Variants in FGFR4 observed in about 807,000 individuals in gnomAD.
FGFR4 encodes fibroblast growth factor receptor 4.
In FGFR4, 63 loss-of-function variants were observed where a neutral mutation model predicts 89.9. The ratio of observed to expected loss-of-function variants is 0.70; its 90% confidence interval spans 0.57 to 0.86. The LOEUF (loss-of-function observed/expected upper bound fraction) is 0.86. Ranked by LOEUF, FGFR4 falls within the 40% of genes least tolerant of loss-of-function variation. The pLI is 0.00. For synonymous variants in FGFR4, 486 were observed against 479.4 expected (o/e 1.01, Z -0.18); for missense variants, 928 against 1,106.7 (o/e 0.84, Z 2.29).
chr5:177,096,416 G>A, intron 15 of FGFR4, 59 bp downstream of exon 15: 1 of 1,600,780 alleles, frequency 6.2e-7, no homozygotes, highest in Admixed American at 1.7e-5. Context: ...ACTGCCCAAA[G>A]TCACGTGGCC....
rs142049814 is a variant in FGFR4 at position 177,093,205 on chromosome 5, G to A, written c.1125G>A (p.Ser375=). The A allele has an allele frequency of 3.7e-5, 59 of 1,612,698 alleles. No individual in the cohort carries two copies. The highest frequency in any genetic ancestry group is 1.6e-4 in the South Asian group (15 of 91,042). Residue 375 remains serine (S), a synonymous_variant, in exon 9 of 18, where the codon TCG becomes TCA. Coordinates refer to ENST00000292408, the MANE Select transcript of FGFR4 (RefSeq NM_213647.3). This position sits in a 1 kb window ranked among gnomAD's most constrained non-coding sequence, Gnocchi z 5.8. ...ATACGGACATCATCCTGTACGCGTC[G>A]GGCTCCCTGGCCTTGGCTGTGCTCC... ...ARYTDIILYA[S]GSLALAVLLL... is the part of the protein sequence containing the mutation.
At chr5:177,088,815 C>CCCA (rs377612662) in intron 1 of FGFR4, among the ~76,000 whole-genome samples, 120,028 of 151,660 alleles carry the variant, frequency 0.79, 47,738 homozygotes, top group East Asian at 1. Context: ...CAACACTCTG[C>CCCA]GTGCCGACGC....
In FGFR4 at chr5:177,096,701, G is replaced by C; in HGVS notation, c.2113G>C (p.Gly705Arg). ...GGAGCTGTTCTCGCTGCTGCGGGAG[G>C]GACATCGGATGGACCGACCCCCACA... ...VEELFSLLRE[G>R]HRMDRPPHCP... is the part of the protein sequence containing the mutation. Residue 705 changes from glycine to arginine, a missense_variant, in exon 16 of 18, where the codon GGA (glycine) becomes CGA (arginine). This residue lies in a region of FGFR4 where 129 missense variants were observed against 150.8 expected (regional missense o/e 0.86). Coordinates refer to ENST00000292408, the MANE Select transcript of FGFR4 (RefSeq NM_213647.3). The C allele has an allele frequency of 6.2e-7, 1 of 1,603,162 alleles. No homozygotes were observed. The highest frequency in any genetic ancestry group is 2.2e-5 in the East Asian group (1 of 44,778).
chr5:177,089,111 C>G (rs1037777058), intron 1 of FGFR4, among the ~76,000 whole-genome samples: 1 of 152,182 alleles, frequency 6.6e-6, no homozygotes, highest in East Asian at 1.9e-4. Flanking sequence ...GAGTGGGGAT[C>G]GGATCAGATG....
At chr5:177,091,324 G>C (rs768531582) in intron 5 of FGFR4, among the ~76,000 whole-genome samples, 2 of 152,174 alleles carry the variant, frequency 1.3e-5, no homozygotes, top group African/African-American at 2.4e-5. Flanking sequence ...ATTTGTAAAG[G>C]GAGAAGAATC....
chr5:177,091,712 A>G lies in FGFR4; in HGVS notation c.631A>G (p.Met211Val). ...RLRHQHWSLVMESVVPSDRGT... is the reference protein window; with the variant it reads ...RLRHQHWSLVVESVVPSDRGT... Reference sequence around the variant, plus strand: ...GCGCCATCAGCACTGGAGTCTCGTGATGGAGAGCGTGGTGCCCTCGGACCG... The same window carrying G: ...GCGCCATCAGCACTGGAGTCTCGTGGTGGAGAGCGTGGTGCCCTCGGACCG... The change falls in exon 6 of 18, where the codon ATG becomes GTG. Residue 211 changes from methionine (M) to valine (V), a missense_variant. Coordinates refer to ENST00000292408, the MANE Select transcript of FGFR4 (RefSeq NM_213647.3). 6.2e-7 allele frequency: 1 copy of G among 1,614,204 alleles called. No homozygotes were observed. The highest frequency in any genetic ancestry group is 8.5e-7 in the Non-Finnish European group (1 of 1,180,042).
chr5:177,088,681 A>G (rs1454014992), intron 1 of FGFR4, among the ~76,000 whole-genome samples: 1 of 152,210 alleles, frequency 6.6e-6, no homozygotes, highest in Non-Finnish European at 1.5e-5. Context: ...GAGGATAGCC[A>G]GCTGGGGTGT....
In FGFR4 at chr5:177,091,756, G is replaced by A. The variant is rs2149732906; in HGVS notation, c.675G>A (p.Leu225=). 1 of 1,614,240 alleles carries A rather than the reference G, an allele frequency of 6.2e-7. No individual in the cohort carries two copies. The highest frequency in any genetic ancestry group is 1.7e-5 in the Admixed American group (1 of 60,032). Residue 225 remains leucine (L), a synonymous_variant, in exon 6 of 18, where the codon CTG becomes CTA. Transcript: ENST00000292408. ...CGGACCGCGGCACATACACCTGCCT[G>A]GTAGAGAACGCTGTGGGCAGCATCC... ...VPSDRGTYTC[L]VENAVGSIRY...
Position 177,096,291 on chromosome 5 carries a change from G to A in FGFR4, c.1949G>A (p.Arg650His), listed in dbSNP as rs1172824038. Reference protein sequence around the residue: ...IDYYKKTSNGRLPVKWMAPEA... With the variant: ...IDYYKKTSNGHLPVKWMAPEA... The stretch of plus-strand genomic sequence containing the variant: ...GAGGCCCTCTCTCCCCTCCAGGGCC[G>A]CCTGCCTGTGAAGTGGATGGCGCCC... Residue 650 changes from arginine (R) to histidine (H), a missense_variant, in exon 15 of 18, where the codon CGC becomes CAC. Coordinates refer to ENST00000292408, the MANE Select transcript of FGFR4 (RefSeq NM_213647.3). 15 of 1,613,978 alleles carry A rather than the reference G, an allele frequency of 9.3e-6. No individual in the cohort carries two copies. The highest frequency in any genetic ancestry group is 1.3e-5 in the African/African-American group (1 of 74,930).
chr5:177,095,726 A>G lies in FGFR4; in HGVS notation c.1821+3A>G. 1 of 1,596,524 alleles carries G rather than the reference A, an allele frequency of 6.3e-7. No individual in the cohort carries two copies. Among genetic ancestry groups the G allele is most frequent in the East Asian group, 2.2e-5 (1 of 44,500 alleles). ...TGCAGTATCTGGAGTCCCGGAAGGT[A>G]CAGGCGCTAGGGCTCTGAGCCCCTC... On this transcript the variant is annotated splice_donor_region_variant and intron_variant, in intron 13 of 17. Coordinates refer to ENST00000292408, the MANE Select transcript of FGFR4 (RefSeq NM_213647.3). This position sits in a 1 kb window ranked among gnomAD's most constrained non-coding sequence, Gnocchi z 5.7.
chr5:177,095,277 C>A lies in FGFR4; in HGVS notation c.1520-53C>A. The stretch of plus-strand genomic sequence containing the variant: ...CTTGTCCTGCACCTGCCTCTGCATG[C>A]TCCCTCGTGCAGTTGGAGGGCAGCC... On this transcript the variant is annotated intron_variant, in intron 11 of 17. Coordinates refer to ENST00000292408, the MANE Select transcript of FGFR4 (RefSeq NM_213647.3). The surrounding 1 kb of genome is among the most constrained non-coding windows in gnomAD (Gnocchi z 5.7). 6.9e-7 allele frequency: 1 copy of A among 1,448,410 alleles called. No homozygotes were observed. Among genetic ancestry groups the A allele is most frequent in the Non-Finnish European group, 9.7e-7 (1 of 1,029,656 alleles). The allele number at this position is 1,448,410 out of a possible 1,614,324, so 89.7% of individuals were successfully genotyped here.
Position 177,091,668 on chromosome 5 carries a change from A to T in FGFR4, c.604-17A>T. 6.2e-7 allele frequency: 1 copy of T among 1,612,728 alleles called. No homozygotes were observed. Among genetic ancestry groups the T allele is most frequent in the South Asian group, 1.1e-5 (1 of 90,954 alleles). ...TGGACATGGTCCGGTGGTCCCGGAC[A>T]CTCTCTCTGCCTGCAGCTGCGCCAT... is the stretch of plus-strand genomic sequence containing the variant. On this transcript the variant is annotated splice_polypyrimidine_tract_variant and intron_variant, in intron 5 of 17. Coordinates refer to ENST00000292408, the MANE Select transcript of FGFR4 (RefSeq NM_213647.3).
intron 15 of FGFR4, 60 bp downstream of exon 15, chr5:177,096,417 T>G: frequency 6.2e-7 from 1 of 1,600,578 alleles, no homozygotes. Context: ...CTGCCCAAAG[T>G]CACGTGGCCC....
Position 177,095,241 on chromosome 5 carries a change from G to C in FGFR4, c.1520-89G>C. ...TCAGCCCTAGACCTACGTAGCCCTG[G>C]TCCAGTGCTGCTTGTCCTGCACCTG... On this transcript the variant is annotated intron_variant, in intron 11 of 17. Coordinates refer to ENST00000292408, the MANE Select transcript of FGFR4 (RefSeq NM_213647.3). The surrounding 1 kb of genome is among the most constrained non-coding windows in gnomAD (Gnocchi z 5.7). The C allele has an allele frequency of 9.2e-7, 1 of 1,082,746 alleles. No homozygotes were observed. Among genetic ancestry groups the C allele is most frequent in the South Asian group, 1.3e-5 (1 of 78,708 alleles). The allele number at this position is 1,082,746 out of a possible 1,614,324, so 67.1% of individuals were successfully genotyped here. A position where few individuals can be genotyped will look rare whatever the true frequency, so the allele number is the denominator to read the frequency against.
At position 177,093,276 on chromosome 5, in the gene FGFR4, A is replaced by ACCGCCC. The variant is rs2149735374; in HGVS notation, c.1198_1199insGCCCCC (p.His399_Pro400insArgPro). 6.2e-7 allele frequency: 1 copy of ACCGCCC among 1,607,962 alleles called. No homozygotes were observed. Among genetic ancestry groups the ACCGCCC allele is most frequent in the Non-Finnish European group, 8.5e-7 (1 of 1,178,048 alleles). Reference sequence around the variant, plus strand: ...CGAGGGCAGGCGCTCCACGGCCGGCACCCCCGCCCGCCCGCCACTGTGCAG... The same window carrying ACCGCCC: ...CGAGGGCAGGCGCTCCACGGCCGGCACCGCCCCCCCCGCCCGCCCGCCACTGTGCAG... On this transcript the variant is annotated inframe_insertion, in exon 9 of 18. Coordinates refer to ENST00000292408, the MANE Select transcript of FGFR4 (RefSeq NM_213647.3). This position sits in a 1 kb window ranked among gnomAD's most constrained non-coding sequence, Gnocchi z 5.8.
chr5:177,097,565 C>T lies in FGFR4; in HGVS notation c.2298C>T (p.Pro766=). 3 of 1,614,114 alleles carry T rather than the reference C, an allele frequency of 1.9e-6. No individual in the cohort carries two copies. The highest frequency in any genetic ancestry group is 1.3e-5 in the African/African-American group (1 of 75,064). Residue 766 remains proline, a synonymous_variant, in exon 18 of 18, where the codon CCC becomes CCT. Coordinates refer to ENST00000292408, the MANE Select transcript of FGFR4 (RefSeq NM_213647.3). ...GCCTGACCTTCGGACCCTATTCCCC[C>T]TCTGGTGGGGACGCCAGCAGCACCT... is the stretch of plus-strand genomic sequence containing the variant. The part of the protein sequence containing the change: ...DLRLTFGPYS[P]SGGDASSTCS...
intron 16 of FGFR4, 67 bp from the exon 17 acceptor site, chr5:177,097,224 AC>A (rs1328157405): frequency 4.5e-6 from 6 of 1,328,732 alleles, no homozygotes; most frequent in Non-Finnish European, 6.2e-6. Context: ...CACCCAGAGA[AC>A]CCCCGGTCCT....
chr5:177,088,812 C>CTGTG (rs10699696), intron 1 of FGFR4, among the ~76,000 whole-genome samples: 119,933 of 151,592 alleles, frequency 0.79, 47,699 homozygotes, highest in East Asian at 1. Flanking sequence ...TTCCAACACT[C>CTGTG]TGCGTGCCGA....
rs148602732 is a variant in FGFR4, at chr5:177,093,199, C to T, written c.1119C>T (p.Tyr373=). ...PEARYTDIIL[Y]ASGSLALAVL... ...CCAGGTATACGGACATCATCCTGTACGCGTCGGGCTCCCTGGCCTTGGCTG... is the reference window on the plus strand; with the variant it reads ...CCAGGTATACGGACATCATCCTGTATGCGTCGGGCTCCCTGGCCTTGGCTG... Residue 373 remains tyrosine (Y), a synonymous_variant, in exon 9 of 18, where the codon TAC becomes TAT. Coordinates refer to ENST00000292408, the MANE Select transcript of FGFR4 (RefSeq NM_213647.3). The surrounding 1 kb of genome is among the most constrained non-coding windows in gnomAD (Gnocchi z 5.8). The T allele has an allele frequency of 5.0e-5, 80 of 1,613,128 alleles. No individual in the cohort carries two copies. The African/African-American group carries it at 7.6e-4, about 15-fold the overall frequency.
Sources: gnomAD v4.1 joint callset for allele counts (sites outside exome capture counted in the v4.1 genomes callset) on GRCh38, gnomAD v4.1.1 for gene constraint, gnomAD v4.1.1 regional missense constraint, Gnocchi (gnomAD v3.1) non-coding constraint, MANE v1.5 for transcripts, NCBI Gene and HGNC (gene_info 2026-07-23, HGNC 2026-07-21) for gene names.